Variants in CYP2R1 observed in about 807,000 individuals in gnomAD.
The protein encoded by CYP2R1 is cytochrome P450 family 2 subfamily R member 1.
A neutral mutation model predicts 45.7 loss-of-function variants in CYP2R1; 40 were observed. The ratio of observed to expected loss-of-function variants is 0.87; its 90% CI spans 0.68 to 1.14. The LOEUF (loss-of-function observed/expected upper bound fraction) is 1.14. Among genes scored for constraint, CYP2R1 ranks in the 50% most tolerant of loss-of-function variants. The pLI is 0.00. For missense variants in CYP2R1, 605 were observed against 602.6 expected (o/e 1.00, Z -0.04); for synonymous variants, 234 against 219.3 (o/e 1.07, Z -0.59).
At chr11:14,883,615 T>C (rs547058134) in intron 2 of CYP2R1, among the ~76,000 whole-genome samples, 3 of 152,094 alleles carry the variant, frequency 2.0e-5, no homozygotes, top group East Asian at 3.9e-4. Context: ...ATTCAGGAGA[T>C]AGGCATGGGC....
At chr11:14,885,090 T>C (rs976842223) in intron 2 of CYP2R1, among the ~76,000 whole-genome samples, 1 of 152,216 alleles carries the variant, frequency 6.6e-6, no homozygotes, top group Non-Finnish European at 1.5e-5. Context: ...AAGCAAGATA[T>C]TGTTAAATTT....
chr11:14,890,537 C>CTTTTTTTTTTTTTT (rs71044028), intron 1 of CYP2R1: 1 of 64,272 alleles, frequency 1.6e-5, no homozygotes, highest in Admixed American at 2.5e-4. Flanking sequence ...TAGACCAATT[C>CTTTTTTTTTTTTTT]TTTTTTTTTT....
intron 1 of CYP2R1, 40 bp downstream of exon 1, chr11:14,891,941 C>G (rs1555017188): frequency 1.2e-6 from 2 of 1,601,458 alleles, no homozygotes; most frequent in African/African-American, 2.7e-5. Flanking sequence ...CCCGGGCCAG[C>G]CTGGCGGCCC....
chr11:14,890,865 T>G (rs1848824190), intron 1 of CYP2R1: 1 of 985,242 alleles, frequency 1.0e-6, no homozygotes, highest in Admixed American at 6.1e-5. Context: ...CCAATCCTTG[T>G]AAAAATTGGT....
chr11:14,877,573 A>C lies in CYP2R1; in HGVS notation c.*549T>G, dbSNP rs1288377023. The stretch of plus-strand genomic sequence containing the variant: ...TCTTATGAAGACAGAGCAGGAAGCA[A>C]GATATGAAAGCACTGGCAGGCTCTA... On this transcript the variant is annotated 3_prime_UTR_variant, in exon 5 of 5. Transcript: ENST00000334636. 5 of 152,596 alleles carry C rather than the reference A, an allele frequency of 3.3e-5. No individual in the cohort carries two copies. Among genetic ancestry groups the C allele is most frequent in the Admixed American group, 3.3e-4 (5 of 15,314 alleles). 9.5% of individuals were successfully genotyped at this position (152,596 alleles called of 1,614,324 possible). A position where few individuals can be genotyped will look rare whatever the true frequency, so the allele number is the denominator to read the frequency against.
intron 1 of CYP2R1, chr11:14,890,876 TTAAG>T (rs1207721710): frequency 4.1e-6 from 4 of 985,368 alleles, no homozygotes; most frequent in Non-Finnish European, 4.8e-6. Context: ...AAAAATTGGT[TTAAG>T]TAAGGATTTA....
At chr11:14,881,505 G>A (rs953198653) in intron 2 of CYP2R1, among the ~76,000 whole-genome samples, 4 of 151,948 alleles carry the variant, frequency 2.6e-5, no homozygotes, top group African/African-American at 9.7e-5. Flanking sequence ...CTCATTACTG[G>A]GACACGGTTG....
chr11:14,887,247 T>C (rs1216658428), intron 1 of CYP2R1: 1 of 152,148 alleles, frequency 6.6e-6, no homozygotes, highest in Non-Finnish European at 1.5e-5. Context: ...AGAGGGCAAA[T>C]GTATTTCAGG....
chr11:14,892,155 C>CGCGCCGCCGA lies in CYP2R1; in HGVS notation c.41_50dup (p.Leu18ArgfsTer79), dbSNP rs782606363. ...CTAGCGCGAAGAGCAGCAGGAAGAGCGCGCCGCCGAGCGCCGCCGCGCCCT... is the reference window on the plus strand; with the variant it reads ...CTAGCGCGAAGAGCAGCAGGAAGAGCGCGCCGCCGAGCGCCGCCGAGCGCCGCCGCGCCCT... On this transcript the variant is annotated frameshift_variant, in exon 1 of 5. Transcript: ENST00000334636. LOFTEE classifies it high-confidence loss of function. The CGCGCCGCCGA allele has an allele frequency of 9.9e-6, 16 of 1,610,930 alleles. No individual in the cohort carries two copies. The highest frequency in any genetic ancestry group is 8.9e-5 in the East Asian group (4 of 44,858).
intron 1 of CYP2R1, chr11:14,887,595 G>T: frequency 1.0e-6 from 1 of 985,164 alleles, no homozygotes; most frequent in South Asian, 4.7e-5. Flanking sequence ...TGCTGGCAGA[G>T]ATGTAAACAG....
chr11:14,886,196 G>T (rs1342237444), intron 1 of CYP2R1: 8 of 424,768 alleles, frequency 1.9e-5, no homozygotes, highest in Non-Finnish European at 3.0e-5. Context: ...CTAGTTTAAG[G>T]TTTGCCATTA....
chr11:14,892,046 A>G lies in CYP2R1; in HGVS notation c.160T>C (p.Ser54Pro). Residue 54 changes from serine (S) to proline (P), a missense_variant, in exon 1 of 5, where the codon TCC becomes CCC. Ser to Pro is a moderately conservative substitution (Grantham distance 74, BLOSUM62 -1). Transcript: ENST00000334636. The stretch of plus-strand genomic sequence containing the variant: ...GGAAGCTCGGATGAGGCTGCCAGGG[A>G]ATAGATGTTGCCGATAAATGGCAGC... ...PGLPFIGNIY[S>P]LAASSELPHV... 6.2e-7 allele frequency: 1 copy of G among 1,613,224 alleles called. No individual in the cohort carries two copies. The highest frequency in any genetic ancestry group is 1.3e-5 in the African/African-American group (1 of 75,046).
At chr11:14,891,149 C>G (rs1486195607) in intron 1 of CYP2R1, 1 of 985,442 alleles carries the variant, frequency 1.0e-6, no homozygotes, top group Non-Finnish European at 1.2e-6. Flanking sequence ...GTCGGGACAC[C>G]CACACACAAG....
intron 3 of CYP2R1, among the ~76,000 whole-genome samples, chr11:14,879,863 T>C (rs948203736): frequency 2.6e-5 from 4 of 152,158 alleles, no homozygotes; most frequent in Non-Finnish European, 1.5e-5. Flanking sequence ...TAAAATTCTA[T>C]CAGAGTTCAG....
At chr11:14,890,610 G>C in intron 1 of CYP2R1, 1 of 212,562 alleles carries the variant, frequency 4.7e-6, no homozygotes, top group Non-Finnish European at 7.5e-6. Flanking sequence ...GCAGTGGCGC[G>C]ATCTCGGCTC....
At chr11:14,882,682 G>C (rs1848436227) in intron 2 of CYP2R1, among the ~76,000 whole-genome samples, 1 of 152,126 alleles carries the variant, frequency 6.6e-6, no homozygotes, top group Non-Finnish European at 1.5e-5. Context: ...GTTCTGGCCA[G>C]GGCAATTAGG....
At chr11:14,891,634 G>A in intron 1 of CYP2R1, 4 of 1,104,704 alleles carry the variant, frequency 3.6e-6, no homozygotes, top group Middle Eastern at 4.1e-4. Flanking sequence ...GCACCTGAGG[G>A]CATGCGTCCA....
intron 2 of CYP2R1, among the ~76,000 whole-genome samples, chr11:14,883,838 G>GA (rs1555013279): frequency 6.6e-6 from 1 of 151,790 alleles, no homozygotes; most frequent in South Asian, 2.1e-4. Context: ...AAATTTACAA[G>GA]AAAAAAACAA....
intron 1 of CYP2R1, chr11:14,886,421 G>GT (rs2134070192): frequency 6.2e-6 from 1 of 161,012 alleles, no homozygotes; most frequent in South Asian, 1.7e-4. Context: ...TAAACATATT[G>GT]TAACTAAGCC....
Sources: allele counts gnomAD v4.1 joint callset (sites outside exome capture counted in the v4.1 genomes callset), GRCh38; gene constraint gnomAD v4.1.1; transcripts MANE v1.5; gene names NCBI Gene and HGNC (gene_info 2026-07-23, HGNC 2026-07-21).